Variants in PIK3CA observed in about 807,000 individuals in gnomAD.
PIK3CA encodes the protein phosphatidylinositol 4,5-bisphosphate 3-kinase catalytic subunit alpha isoform.
Under a neutral mutation model 138.2 loss-of-function variants are expected in PIK3CA, and 27 were observed. That is an observed-to-expected ratio of 0.20 (90% CI 0.14 to 0.27). PIK3CA has a LOEUF of 0.27. Ranked by LOEUF, PIK3CA falls within the 10% of genes least tolerant of loss-of-function variation. PIK3CA has a pLI of 1.00. For synonymous variants in PIK3CA, 358 were observed against 413.2 expected, an observed-to-expected ratio of 0.87 and a Z score of 1.62; for missense variants, 544 against 1,277.4, an observed-to-expected ratio of 0.43 and a Z score of 8.75.
chr3:179,170,076 G>GCACACACACACACACA (rs60084117), intron 1 of PIK3CA, among the ~76,000 whole-genome samples: 1 of 139,210 alleles, frequency 7.2e-6, no homozygotes, highest in Non-Finnish European at 1.5e-5. Flanking sequence ...ACGCGCGCGC[G>GCACACACACACACACA]CACACACACA....
At position 179,186,242 on chromosome 3, in the gene PIK3CA, A is replaced by G. The variant is rs768482755; in HGVS notation, c.-76-12508A>G. ...ATATCACATAGATGTTCTTAATTTA[A>G]TTAAGATGTTAATCTAGATATTCTT... On this transcript the variant is annotated intron_variant, in intron 1 of 20. Coordinates refer to ENST00000263967, the MANE Select transcript of PIK3CA (RefSeq NM_006218.4). Among the ~76,000 whole-genome samples the G allele has an allele frequency of 3.9e-5, 6 of 152,358 alleles. No individual in the cohort carries two copies. The East Asian group carries it at 7.7e-4, about 20-fold the overall frequency.
intron 1 of PIK3CA, among the ~76,000 whole-genome samples, chr3:179,180,084 A>G (rs892431213): frequency 6.6e-6 from 1 of 152,158 alleles, no homozygotes. Context: ...TCAAGGCTGT[A>G]TTGCATAGTT....
At chr3:179,212,322 T>A (rs1724735063) in intron 9 of PIK3CA, among the ~76,000 whole-genome samples, 1 of 142,048 alleles carries the variant, frequency 7.0e-6, no homozygotes, top group Non-Finnish European at 1.5e-5. Context: ...TTTTTTTTTT[T>A]AATAAGAGAT....
chr3:179,207,587 C>T (rs1382444290), intron 6 of PIK3CA, among the ~76,000 whole-genome samples: 1 of 150,412 alleles, frequency 6.6e-6, no homozygotes, highest in African/African-American at 2.4e-5. Context: ...TGCTCTGTCG[C>T]CCAGGCTGGA....
At chr3:179,229,810 C>A (rs183869137) in intron 18 of PIK3CA, among the ~76,000 whole-genome samples, 194 bp from the exon 19 acceptor site, 2 of 152,208 alleles carry the variant, frequency 1.3e-5, no homozygotes, top group Admixed American at 6.5e-5. Flanking sequence ...ATGCTTTGGT[C>A]AGGGAACATC....
intron 1 of PIK3CA, among the ~76,000 whole-genome samples, chr3:179,172,106 G>T (rs1723573645): frequency 6.6e-6 from 1 of 152,024 alleles, no homozygotes; most frequent in South Asian, 2.1e-4. Flanking sequence ...TCAATTCTGT[G>T]TAATATACCA....
chr3:179,161,432 C>A (rs1723278268), intron 1 of PIK3CA, among the ~76,000 whole-genome samples: 1 of 152,180 alleles, frequency 6.6e-6, no homozygotes, highest in Admixed American at 6.5e-5. Flanking sequence ...CGTGGTGGCT[C>A]ACGCCTGTAA....
intron 1 of PIK3CA, among the ~76,000 whole-genome samples, chr3:179,181,625 A>G (rs1045233880): frequency 6.6e-6 from 1 of 152,164 alleles, no homozygotes; most frequent in Non-Finnish European, 1.5e-5. Context: ...TGAGGGGTTT[A>G]TGTCAGAAGT....
At chr3:179,187,478 C>T (rs1453303477) in intron 1 of PIK3CA, among the ~76,000 whole-genome samples, 5 of 128,886 alleles carry the variant, frequency 3.9e-5, no homozygotes, top group South Asian at 2.7e-4. Flanking sequence ...GTGGAGGTTG[C>T]AGTGAGCCGA....
chr3:179,231,870 T>A (rs1047414726), intron 20 of PIK3CA, among the ~76,000 whole-genome samples: 4 of 152,014 alleles, frequency 2.6e-5, no homozygotes, highest in African/African-American at 9.7e-5. Flanking sequence ...CTTGAATTCC[T>A]GACCTCAGGT....
chr3:179,150,170 CGTGTGTGTGTGT>C (rs35995073), intron 1 of PIK3CA, among the ~76,000 whole-genome samples: 7 of 147,050 alleles, frequency 4.8e-5, no homozygotes, highest in Non-Finnish European at 9.0e-5. Context: ...TGTGTGTTTA[CGTGTGTGTGTGT>C]GTGTGTGTGT....
At position 179,229,334 on chromosome 3, in the gene PIK3CA, A is replaced by G. The variant is rs1725159134; in HGVS notation, c.2558A>G (p.Asn853Ser). The change falls in exon 18 of 21, where the codon AAT becomes AGT. Residue 853 changes from asparagine to serine, a missense_variant. Asn to Ser is a conservative substitution (Grantham distance 46, BLOSUM62 1). Around this residue, in one of 14 missense-constraint regions of PIK3CA, gnomAD observed 72 missense variants for 271.8 expected, o/e 0.26. Transcript: ENST00000263967. ...GTGGGACTTATTGAGGTGGTGCGAA[A>G]TTCTCACACTATTATGCAAATTCAG... ...DCVGLIEVVR[N>S]SHTIMQIQCK... is the part of the protein sequence containing the mutation. The G allele has an allele frequency of 1.2e-6, 2 of 1,613,308 alleles. No homozygotes were observed. Among genetic ancestry groups the G allele is most frequent in the Non-Finnish European group, 1.7e-6 (2 of 1,179,540 alleles).
At chr3:179,215,428 A>G (rs10936993) in intron 9 of PIK3CA, among the ~76,000 whole-genome samples, 15,255 of 152,184 alleles carry the variant, frequency 0.1, 1,185 homozygotes, top group African/African-American at 0.21. Context: ...AAGATACGAC[A>G]TGGAATCTTA....
chr3:179,170,074 G>GTGCACA (rs756375767), intron 1 of PIK3CA, among the ~76,000 whole-genome samples: 1,903 of 119,982 alleles, frequency 0.016, 20 homozygotes, highest in South Asian at 0.061. Context: ...ACACGCGCGC[G>GTGCACA]CGCACACACA....
At chr3:179,233,641 G>A (rs145013293) in intron 20 of PIK3CA, among the ~76,000 whole-genome samples, 126 of 152,192 alleles carry the variant, frequency 8.3e-4, no homozygotes, top group African/African-American at 2.9e-3. Context: ...ACACTTTGAG[G>A]AAAGTCAGTC....
At chr3:179,228,659 T>A (rs1466222924) in intron 17 of PIK3CA, among the ~76,000 whole-genome samples, 1 of 152,120 alleles carries the variant, frequency 6.6e-6, no homozygotes, top group East Asian at 1.9e-4. Context: ...GCCAGACATT[T>A]AAAAATTTTT....
intron 9 of PIK3CA, among the ~76,000 whole-genome samples, chr3:179,211,845 G>T (rs1576939386): frequency 6.6e-6 from 1 of 152,186 alleles, no homozygotes; most frequent in Non-Finnish European, 1.5e-5. Flanking sequence ...TGTAAGGAGT[G>T]CCTCTAGTGA....
In PIK3CA at chr3:179,227,057, T is replaced by C. The variant is rs1262043394; in HGVS notation, c.2495+1017T>C. On this transcript the variant is annotated intron_variant, in intron 17 of 20. Transcript: ENST00000263967. ...AGTAAAGGAGATAACCGTGTAACGC[T>C]GGTTAATTACATTGTTTAATTATAA... Among the ~76,000 whole-genome samples the C allele has an allele frequency of 2.0e-5, 3 of 152,112 alleles. No homozygotes were observed. In the South Asian group the frequency reaches 6.2e-4, roughly 31 times the overall value.
chr3:179,238,049 A>T lies in PIK3CA; in HGVS notation c.*3685A>T, dbSNP rs1387978992. 4.5e-6 allele frequency: 1 copy of T among 223,406 alleles called. No individual in the cohort carries two copies. The highest frequency in any genetic ancestry group is 6.4e-5 in the East Asian group (1 of 15,632). 13.8% of individuals were successfully genotyped at this position (223,406 alleles called of 1,614,324 possible). A position where few individuals can be genotyped will look rare whatever the true frequency, so the allele number is the denominator to read the frequency against. On this transcript the variant is annotated 3_prime_UTR_variant, in exon 21 of 21. Transcript: ENST00000263967. ...TTTCATACTTCAGATGTTTTTGAGA[A>T]GAGGGGAATGTGAGGGGAGGGGGCA...
Sources: allele counts gnomAD v4.1 joint callset (sites outside exome capture counted in the v4.1 genomes callset), GRCh38; gene constraint gnomAD v4.1.1; regional missense constraint gnomAD v4.1.1; transcripts MANE v1.5; gene names NCBI Gene and HGNC (gene_info 2026-07-23, HGNC 2026-07-21).